Variants in ATP11C observed in about 807,000 individuals in gnomAD.
ATP11C encodes the protein phospholipid-transporting ATPase IG.
Under a neutral mutation model 97.4 loss-of-function variants are expected in ATP11C, and 36 were observed. That is an observed-to-expected ratio of 0.37 (90% CI 0.28 to 0.49). The LOEUF is 0.49. Ranked by LOEUF, ATP11C falls within the 20% of genes least tolerant of loss-of-function variation. ATP11C has a pLI of 0.98. For missense variants in ATP11C, 730 were observed against 824.6 expected (o/e 0.89, Z 1.40); for synonymous variants, 275 against 290.9 (o/e 0.95, Z 0.56).
intron 1 of ATP11C, among the ~76,000 whole-genome samples, chrX:139,893,164 G>A (rs1025468855): frequency 1.8e-5 from 2 of 111,631 alleles, no homozygotes; most frequent in Admixed American, 9.5e-5. Context: ...TCAGCCTCTC[G>A]AGCAGCTGGG....
Position 139,743,569 on chromosome X carries a change from A to G in ATP11C, c.3020T>C (p.Val1007Ala), listed in dbSNP as rs779455838. The G allele has an allele frequency of 6.0e-6, 7 of 1,163,927 alleles. No homozygotes were observed. The South Asian group carries it at 1.4e-4, about 23-fold the overall frequency. The change falls in exon 26 of 30, where the codon GTA becomes GCA. Residue 1007 changes from valine (V) to alanine (A), a missense_variant. By Grantham distance (64) the Val-to-Ala change is moderately conservative. Coordinates refer to ENST00000682941, the MANE Select transcript of ATP11C (RefSeq NM_001353812.2). The part of the protein sequence containing the change: ...TIVFTVLVFT[V>A]TLKLALDTRF... ...AAGTAAAAATCTAACCTTCAGGGTT[A>G]CAGTGAATACTAAGACTGTAAAAAC...
chrX:139,884,434 C>G (rs1485245466), intron 1 of ATP11C, among the ~76,000 whole-genome samples: 1 of 111,960 alleles, frequency 8.9e-6, no homozygotes, highest in Non-Finnish European at 1.9e-5. Flanking sequence ...CATCTCCAAT[C>G]CTCCACACTG....
rs144825899 is a variant in ATP11C at position 139,866,083 on chromosome X, T to C, written c.28-39260A>G. ...GAAAAGGGCCAAGCGCGGTGGCACA[T>C]GCCTGTAATAGCAGCACTTTGGCAG... On this transcript the variant is annotated intron_variant, in intron 1 of 29. Transcript: ENST00000682941. Among the ~76,000 whole-genome samples, 1,056 of 110,817 alleles carry C rather than the reference T, an allele frequency of 9.5e-3. 17 individuals are homozygous for C. Among genetic ancestry groups the C allele is most frequent in the African/African-American group, 0.032 (984 of 30,575 alleles).
chrX:139,920,196 A>C (rs2148164938), intron 1 of ATP11C, among the ~76,000 whole-genome samples: 1 of 109,365 alleles, frequency 9.1e-6, no homozygotes, highest in South Asian at 4.0e-4. Flanking sequence ...GTCTCTACTA[A>C]AAATACAAAA....
At chrX:139,901,486 C>T (rs2084898766) in intron 1 of ATP11C, among the ~76,000 whole-genome samples, 1 of 111,380 alleles carries the variant, frequency 9.0e-6, no homozygotes, top group African/African-American at 3.3e-5. Flanking sequence ...CTGATGGCTG[C>T]GGGGCAGATT....
intron 22 of ATP11C, among the ~76,000 whole-genome samples, chrX:139,758,808 C>T (rs918592465): frequency 5.4e-5 from 6 of 111,776 alleles, no homozygotes; most frequent in African/African-American, 2.0e-4. Flanking sequence ...GCCAGAAAAC[C>T]AGTCTCCTCC....
intron 4 of ATP11C, among the ~76,000 whole-genome samples, chrX:139,815,561 T>C (rs1351596124): frequency 8.9e-6 from 1 of 111,911 alleles, no homozygotes; most frequent in Non-Finnish European, 1.9e-5. Flanking sequence ...AAAGAAAATA[T>C]AAATTGGTAT....
rs1442625483 is a variant in ATP11C at position 139,919,393 on chromosome X, G to A, written c.27+12623C>T. Among the ~76,000 whole-genome samples the A allele has an allele frequency of 7.5e-5, 8 of 107,249 alleles. No homozygotes were observed. The Admixed American group carries it at 8.2e-4, about 11-fold the overall frequency. The allele number at this position is 107,249 out of a possible 115,157, so 93.1% of individuals were successfully genotyped here. A position where few individuals can be genotyped will look rare whatever the true frequency, so the allele number is the denominator to read the frequency against. ...GCTGAGAAGAGAATGGCTTGAACCCGGGAGGCGGAGGTTGCAGTGAGCAGA... is the reference window on the plus strand; with the variant it reads ...GCTGAGAAGAGAATGGCTTGAACCCAGGAGGCGGAGGTTGCAGTGAGCAGA... On this transcript the variant is annotated intron_variant, in intron 1 of 29. Transcript: ENST00000682941.
intron 12 of ATP11C, 74 bp downstream of exon 12, chrX:139,796,199 T>C (rs754236771): frequency 2.5e-6 from 2 of 794,751 alleles, no homozygotes; most frequent in Non-Finnish European, 3.4e-6. Flanking sequence ...GTCACATATA[T>C]TGGTAATCCA....
At chrX:139,895,860 G>A (rs1307177637) in intron 1 of ATP11C, among the ~76,000 whole-genome samples, 4 of 109,578 alleles carry the variant, frequency 3.7e-5, no homozygotes, top group Non-Finnish European at 7.6e-5. Flanking sequence ...TTTTTTGCTG[G>A]AAACATTTAG....
At chrX:139,803,577 T>C (rs1477674259) in intron 6 of ATP11C, among the ~76,000 whole-genome samples, 1 of 110,589 alleles carries the variant, frequency 9.0e-6, no homozygotes, top group Admixed American at 9.6e-5. Flanking sequence ...TGGCCAAATT[T>C]ACTTTAAGTC....
intron 2 of ATP11C, among the ~76,000 whole-genome samples, chrX:139,822,760 C>G (rs2083441123): frequency 1.8e-5 from 2 of 108,299 alleles, no homozygotes; most frequent in Non-Finnish European, 3.8e-5. Flanking sequence ...TGAACCATCT[C>G]CGAGGCTGGT....
At chrX:139,821,536 TAC>T (rs1216506411) in intron 2 of ATP11C, among the ~76,000 whole-genome samples, 2 of 112,731 alleles carry the variant, frequency 1.8e-5, no homozygotes, top group Non-Finnish European at 3.7e-5. Context: ...AAATAAGCAT[TAC>T]AGAGTCATCT....
chrX:139,871,516 C>T (rs1336395223), intron 1 of ATP11C, among the ~76,000 whole-genome samples: 16 of 77,192 alleles, frequency 2.1e-4, no homozygotes, highest in African/African-American at 6.9e-4. Context: ...GCCACCCCCG[C>T]TTTTTTTTTT....
At chrX:139,741,196 A>T in intron 26 of ATP11C, 102 bp from the exon 27 acceptor site, 1 of 518,566 alleles carries the variant, frequency 1.9e-6, no homozygotes, top group Non-Finnish European at 3.3e-6. Context: ...CTATGAAAGG[A>T]TCTAGCTTGG....
chrX:139,766,406 A>T (rs2082135377), intron 20 of ATP11C, among the ~76,000 whole-genome samples: 1 of 112,074 alleles, frequency 8.9e-6, no homozygotes, highest in Admixed American at 9.5e-5. Flanking sequence ...TCGCTTTTGC[A>T]GGAAAACCTC....
chrX:139,729,547 T>C (rs1020341842), intron 29 of ATP11C, among the ~76,000 whole-genome samples: 6 of 111,924 alleles, frequency 5.4e-5, no homozygotes, highest in Admixed American at 9.5e-5. Flanking sequence ...TGGTAGATCA[T>C]GTATCTATGA....
chrX:139,819,085 A>C (rs1409511026), intron 3 of ATP11C, among the ~76,000 whole-genome samples: 1 of 112,163 alleles, frequency 8.9e-6, no homozygotes, highest in African/African-American at 3.2e-5. Flanking sequence ...ATGAGCAAAA[A>C]TATGATATCC....
intron 1 of ATP11C, among the ~76,000 whole-genome samples, chrX:139,901,950 G>A (rs982675148): frequency 7.2e-5 from 8 of 110,358 alleles, no homozygotes; most frequent in African/African-American, 2.7e-4. Flanking sequence ...CTGGGGAAGA[G>A]GGGGTGGGGA....
Sources: gnomAD v4.1 joint callset for allele counts (sites outside exome capture counted in the v4.1 genomes callset) on GRCh38, gnomAD v4.1.1 for gene constraint, MANE v1.5 for transcripts, NCBI Gene and HGNC (gene_info 2026-07-23, HGNC 2026-07-21) for gene names.